The following DENND2A variants were observed in gnomAD, a reference collection of about 807,000 sequenced individuals.
The protein encoded by DENND2A is DENN domain containing 2A.
DENND2A carries 53 observed loss-of-function variants against 105.3 expected under a neutral mutation model. The observed-to-expected ratio is 0.50, with a 90% CI of 0.40 to 0.63. DENND2A has a LOEUF of 0.63. DENND2A is among the 30% of genes least tolerant of loss of function. The pLI is 0.00. For missense variants in DENND2A, 1,138 were observed against 1,279.6 expected, an observed-to-expected ratio of 0.89 and a Z score of 1.69; for synonymous variants, 522 against 508.4, an observed-to-expected ratio of 1.03 and a Z score of -0.36.
chr7:140,589,659 T>G (rs549362783), intron 3 of DENND2A, among the ~76,000 whole-genome samples: 1 of 152,350 alleles, frequency 6.6e-6, no homozygotes, highest in East Asian at 1.9e-4. Flanking sequence ...AAACAGGTTC[T>G]CCCTCTGTTG....
intron 12 of DENND2A, among the ~76,000 whole-genome samples, chr7:140,555,306 T>G (rs910737907): frequency 6.6e-6 from 1 of 151,858 alleles, no homozygotes; most frequent in Non-Finnish European, 1.5e-5. Context: ...GCTAATTTTT[T>G]TTTTGTATTT....
At chr7:140,623,277 C>G (rs1051072516) in intron 1 of DENND2A, among the ~76,000 whole-genome samples, 1 of 142,274 alleles carries the variant, frequency 7.0e-6, no homozygotes, top group African/African-American at 2.6e-5. Context: ...ATCATGCCAC[C>G]GCACTCCAGC....
chr7:140,616,554 A>G (rs1242881750), intron 1 of DENND2A, among the ~76,000 whole-genome samples: 1 of 152,196 alleles, frequency 6.6e-6, no homozygotes, highest in Non-Finnish European at 1.5e-5. Flanking sequence ...AGAAACCACT[A>G]AATTATATGC....
At chr7:140,532,276 TAA>T (rs936320224) in intron 14 of DENND2A, among the ~76,000 whole-genome samples, 4 of 151,952 alleles carry the variant, frequency 2.6e-5, no homozygotes, top group African/African-American at 4.8e-5. Context: ...CTCAAAAAAA[TAA>T]AAGAGACCTT....
chr7:140,520,171 T>G (rs1438071204), intron 18 of DENND2A, among the ~76,000 whole-genome samples: 1 of 152,008 alleles, frequency 6.6e-6, no homozygotes, highest in African/African-American at 2.4e-5. Context: ...CCAGGTGTGG[T>G]GGTGCACGCC....
Position 140,612,102 on chromosome 7 carries a change from G to A in DENND2A, c.-247-6296C>T, listed in dbSNP as rs553877902. 7.2e-5 allele frequency among the ~76,000 whole-genome samples: 11 copies of A among 152,224 alleles called. 2 individuals carry two copies. Among genetic ancestry groups the A allele is most frequent in the African/African-American group, 2.6e-4 (11 of 41,532 alleles). ...TAAAAATACAAAAAATTAGCTGGGT[G>A]TTGTGGCACATGCCTGTAATCCCAG... On this transcript the variant is annotated intron_variant, in intron 1 of 19. Coordinates refer to ENST00000496613, the MANE Select transcript of DENND2A (RefSeq NM_015689.5).
chr7:140,543,125 T>TC (rs199931684), intron 14 of DENND2A, among the ~76,000 whole-genome samples: 74 of 46,640 alleles, frequency 1.6e-3, no homozygotes, highest in African/African-American at 6.0e-3. Context: ...TCTTTTCTTT[T>TC]TTTTTTTTTT....
chr7:140,518,653 T>C lies in DENND2A; in HGVS notation c.*54A>G. 6.3e-7 allele frequency: 1 copy of C among 1,582,912 alleles called. No homozygotes were observed. Among genetic ancestry groups the C allele is most frequent in the South Asian group, 1.1e-5 (1 of 89,718 alleles). On this transcript the variant is annotated 3_prime_UTR_variant, in exon 20 of 20. Coordinates refer to ENST00000496613, the MANE Select transcript of DENND2A (RefSeq NM_015689.5). ...GCCTTTCAGAAAGGCCACCAGGAAC[T>C]GTTTTTAAAGCATAGGGCTGCACTA...
chr7:140,535,415 C>A (rs189378701), intron 14 of DENND2A, among the ~76,000 whole-genome samples: 1 of 152,064 alleles, frequency 6.6e-6, no homozygotes, highest in African/African-American at 2.4e-5. Flanking sequence ...CAGTTGAAAA[C>A]GAACACAGGC....
chr7:140,546,652 T>C (rs2130528840), intron 13 of DENND2A, 147 bp downstream of exon 13: 1 of 1,039,220 alleles, frequency 9.6e-7, no homozygotes, highest in South Asian at 1.7e-5. Context: ...GTGGAACTCA[T>C]GATGAGTGAT....
intron 1 of DENND2A, among the ~76,000 whole-genome samples, chr7:140,634,516 G>T (rs1800848505): frequency 6.6e-6 from 1 of 152,070 alleles, no homozygotes; most frequent in South Asian, 2.1e-4. Flanking sequence ...CATGCATAGA[G>T]GCAATGTATT....
At chr7:140,575,691 G>A (rs1326358738) in intron 5 of DENND2A, among the ~76,000 whole-genome samples, 4 of 152,092 alleles carry the variant, frequency 2.6e-5, no homozygotes, top group African/African-American at 9.7e-5. Flanking sequence ...GTACTTGCCG[G>A]GCACGGTGGC....
chr7:140,583,740 A>AAC (rs1798647537), intron 5 of DENND2A, among the ~76,000 whole-genome samples: 2 of 146,664 alleles, frequency 1.4e-5, no homozygotes, highest in Non-Finnish European at 3.0e-5. Flanking sequence ...CCATCCTGTG[A>AAC]ATGGTGAAAC....
chr7:140,611,717 G>C (rs1799904036), intron 1 of DENND2A, among the ~76,000 whole-genome samples: 1 of 152,176 alleles, frequency 6.6e-6, no homozygotes, highest in Admixed American at 6.6e-5. Flanking sequence ...AGACACAAAA[G>C]GCCACATATT....
At chr7:140,607,423 CTG>C (rs142708944) in intron 1 of DENND2A, among the ~76,000 whole-genome samples, 1 of 151,984 alleles carries the variant, frequency 6.6e-6, no homozygotes, top group Non-Finnish European at 1.5e-5. Context: ...CATCTGCCAA[CTG>C]TGTGTGTGTG....
At chr7:140,540,210 C>T (rs546237939) in intron 14 of DENND2A, among the ~76,000 whole-genome samples, 6 of 151,792 alleles carry the variant, frequency 4.0e-5, no homozygotes, top group Admixed American at 6.6e-5. Flanking sequence ...CAATTATCCA[C>T]GTTCCTGCTG....
intron 5 of DENND2A, among the ~76,000 whole-genome samples, chr7:140,574,392 G>C (rs994248188): frequency 2.6e-5 from 4 of 151,952 alleles, no homozygotes; most frequent in Non-Finnish European, 5.9e-5. Context: ...CTAATTTTTC[G>C]TATTTTAGTA....
At chr7:140,530,031 C>T (rs768116438) in intron 14 of DENND2A, among the ~76,000 whole-genome samples, 2 of 150,324 alleles carry the variant, frequency 1.3e-5, no homozygotes, top group Non-Finnish European at 2.9e-5. Context: ...TGAGACCAAC[C>T]TGGGCAACAT....
At chr7:140,577,007 G>A (rs1324577804) in intron 5 of DENND2A, among the ~76,000 whole-genome samples, 5 of 152,188 alleles carry the variant, frequency 3.3e-5, no homozygotes, top group Non-Finnish European at 1.5e-5. Flanking sequence ...GAGAAGGAAT[G>A]GAAACACAAC....
Sources: gnomAD v4.1 joint callset for allele counts (sites outside exome capture counted in the v4.1 genomes callset) on GRCh38, gnomAD v4.1.1 for gene constraint, MANE v1.5 for transcripts, NCBI Gene and HGNC (gene_info 2026-07-23, HGNC 2026-07-21) for gene names.